PCDHGA6: variants seen among roughly 807,000 people sequenced by gnomAD.
The protein encoded by PCDHGA6 is protocadherin gamma-A6.
Under a neutral mutation model 60.6 loss-of-function variants are expected in PCDHGA6, and 41 were observed. That is an observed-to-expected ratio of 0.68 (90% confidence interval 0.53 to 0.88). The LOEUF (loss-of-function observed/expected upper bound fraction) is 0.88. Ranked by LOEUF, PCDHGA6 falls within the 40% of genes least tolerant of loss-of-function variation. The pLI, the probability that PCDHGA6 is intolerant of heterozygous loss-of-function variation, is 0.00. For missense variants in PCDHGA6, 1,312 were observed against 1,203.0 expected, an observed-to-expected ratio of 1.09 and a Z score of -1.34; for synonymous variants, 594 against 524.4, an observed-to-expected ratio of 1.13 and a Z score of -1.81.
At chr5:141,465,856 C>T (rs1442431032) in intron 1 of PCDHGA6, among the ~76,000 whole-genome samples, 1 of 152,184 alleles carries the variant, frequency 6.6e-6, no homozygotes, top group East Asian at 1.9e-4. Context: ...GGCCCAGTGG[C>T]TCATGCCTGT....
chr5:141,383,734 T>C (rs1249029357), intron 1 of PCDHGA6: 2 of 1,613,994 alleles, frequency 1.2e-6, no homozygotes, highest in East Asian at 4.5e-5. Context: ...GGAAGTGACA[T>C]ATTCTTTTCG....
rs191909737 is a variant in PCDHGA6 at position 141,405,622 on chromosome 5, G to A, written c.2424+29115G>A. 9.3e-3 allele frequency: 5,090 copies of A among 544,656 alleles called. 46 individuals are homozygous for A. The highest frequency in any genetic ancestry group is 0.017 in the Admixed American group (494 of 29,130). The allele number at this position is 544,656 out of a possible 1,614,324, so 33.7% of individuals were successfully genotyped here. On this transcript the variant is annotated intron_variant, in intron 1 of 3. Transcript: ENST00000517434. ...GTAGAATAACTGGGACTACAGGCAC[G>A]TGCCACCACGCCCGGCTAATTTTTT...
chr5:141,497,323 G>A lies in PCDHGA6; in HGVS notation c.2483+2458G>A, dbSNP rs373068300. Reference sequence around the variant, plus strand: ...CAGGCCATACACTGGCTTTGAAGCAGAATTCACCATTGAACCTGGAAGCCC... The same window carrying A: ...CAGGCCATACACTGGCTTTGAAGCAAAATTCACCATTGAACCTGGAAGCCC... On this transcript the variant is annotated intron_variant, in intron 2 of 3. Transcript: ENST00000517434. 1.2e-4 allele frequency among the ~76,000 whole-genome samples: 19 copies of A among 152,204 alleles called. No homozygotes were observed. In the East Asian group the frequency reaches 3.5e-3, roughly 28 times the overall value.
At chr5:141,419,431 G>A in intron 1 of PCDHGA6, 2 of 1,613,306 alleles carry the variant, frequency 1.2e-6, no homozygotes. Context: ...ACCACGAGCA[G>A]CTGCGCACCT....
chr5:141,451,789 G>A (rs2098724524), intron 1 of PCDHGA6, among the ~76,000 whole-genome samples: 1 of 152,074 alleles, frequency 6.6e-6, no homozygotes, highest in South Asian at 2.1e-4. Flanking sequence ...GCTGAGGCCA[G>A]AGAATTGCTT....
chr5:141,414,752 A>G (rs1339630983), intron 1 of PCDHGA6: 9 of 1,614,110 alleles, frequency 5.6e-6, no homozygotes, highest in Non-Finnish European at 7.6e-6. Flanking sequence ...TCCTTCGACT[A>G]TGAGCAGTTT....
rs201412037 is a variant in PCDHGA6, at chr5:141,421,093, A to G, written c.2424+44586A>G. The G allele has an allele frequency of 3.5e-5, 23 of 665,630 alleles. No homozygotes were observed. In the East Asian group the frequency reaches 6.2e-4, roughly 18 times the overall value. 41.2% of individuals were successfully genotyped at this position (665,630 alleles called of 1,614,324 possible). On this transcript the variant is annotated intron_variant, in intron 1 of 3. Coordinates refer to ENST00000517434, the MANE Select transcript of PCDHGA6 (RefSeq NM_018919.3). ...GAGATGGATACTCACAGATCCTGAC[A>G]CTGGAGACTTAGAAGTATTTTCCTT... is the stretch of plus-strand genomic sequence containing the variant.
chr5:141,434,073 A>G (rs1372471160), intron 1 of PCDHGA6, among the ~76,000 whole-genome samples: 2 of 152,058 alleles, frequency 1.3e-5, no homozygotes, highest in African/African-American at 4.8e-5. Flanking sequence ...GTTAATATCA[A>G]TTATTTATTT....
intron 1 of PCDHGA6, chr5:141,392,879 G>T: frequency 1.2e-6 from 2 of 1,613,512 alleles, no homozygotes; most frequent in East Asian, 2.2e-5. Flanking sequence ...TGCTGGGAAC[G>T]CTGTGGGAAA....
chr5:141,412,942 A>G, intron 1 of PCDHGA6: 1 of 465,476 alleles, frequency 2.1e-6, no homozygotes, highest in Non-Finnish European at 3.8e-6. Flanking sequence ...TAGGACTCTG[A>G]GCGCCGCTGT....
At chr5:141,390,922 A>G (rs935110449) in intron 1 of PCDHGA6, 8 of 152,482 alleles carry the variant, frequency 5.2e-5, no homozygotes, top group Non-Finnish European at 1.0e-4. Context: ...AAGGTCTACT[A>G]TGCTCATTAG....
chr5:141,439,211 A>G (rs1438403213), intron 1 of PCDHGA6, among the ~76,000 whole-genome samples: 1 of 151,666 alleles, frequency 6.6e-6, no homozygotes, highest in Non-Finnish European at 1.5e-5. Flanking sequence ...AAAAATCCAT[A>G]TGTGAAAATT....
At position 141,431,277 on chromosome 5, in the gene PCDHGA6, G is replaced by T; in HGVS notation, c.2424+54770G>T. 6.2e-7 allele frequency: 1 copy of T among 1,614,160 alleles called. No homozygotes were observed. The highest frequency in any genetic ancestry group is 1.3e-5 in the African/African-American group (1 of 75,062). On this transcript the variant is annotated intron_variant, in intron 1 of 3. Transcript: ENST00000517434. This position sits in a 1 kb window ranked among gnomAD's most constrained non-coding sequence, Gnocchi z 4.8. ...AACTCTCTGCAGAGCTACGAGCTCAGCCCGAACACTCACTTCTCCCTCATC... is the reference window on the plus strand; with the variant it reads ...AACTCTCTGCAGAGCTACGAGCTCATCCCGAACACTCACTTCTCCCTCATC...
intron 1 of PCDHGA6, chr5:141,383,450 G>T: frequency 6.2e-7 from 1 of 1,613,960 alleles, no homozygotes; most frequent in South Asian, 1.1e-5. Flanking sequence ...GCTGTGCAAA[G>T]TGGAGACGAT....
intron 1 of PCDHGA6, chr5:141,422,547 G>C: frequency 1.9e-6 from 3 of 1,613,938 alleles, no homozygotes; most frequent in Non-Finnish European, 2.5e-6. Context: ...CTCATGTCTG[G>C]CTGAATGTGG....
At chr5:141,400,392 A>C (rs2094014497) in intron 1 of PCDHGA6, 1 of 1,613,942 alleles carries the variant, frequency 6.2e-7, no homozygotes, top group Admixed American at 1.7e-5. Context: ...TTGCACATAC[A>C]GGAAAGACGG....
At chr5:141,384,714 A>T (rs750526941) in intron 1 of PCDHGA6, 7 of 1,614,076 alleles carry the variant, frequency 4.3e-6, no homozygotes, top group Non-Finnish European at 5.9e-6. Context: ...CCTGGCTGTC[A>T]TACCTCCTGC....
Position 141,485,618 on chromosome 5 carries a change from G to A in PCDHGA6, c.2425-9189G>A, listed in dbSNP as rs2099616729. 2.5e-6 allele frequency: 4 copies of A among 1,612,092 alleles called. No individual in the cohort carries two copies. Among genetic ancestry groups the A allele is most frequent in the Non-Finnish European group, 3.4e-6 (4 of 1,178,672 alleles). On this transcript the variant is annotated intron_variant, in intron 1 of 3. Coordinates refer to ENST00000517434, the MANE Select transcript of PCDHGA6 (RefSeq NM_018919.3). This position sits in a 1 kb window ranked among gnomAD's most constrained non-coding sequence, Gnocchi z 5.7. The stretch of plus-strand genomic sequence containing the variant: ...GGAAATTGGGGAGGCAGCTCCTCCA[G>A]GACAGCGTTTCCCGTTGGAAAAGGC...
In PCDHGA6 at chr5:141,402,724, G is replaced by A. The variant is rs558797465; in HGVS notation, c.2424+26217G>A. Among the ~76,000 whole-genome samples, 7 of 152,276 alleles carry A rather than the reference G, an allele frequency of 4.6e-5. No individual in the cohort carries two copies. The South Asian group carries it at 1.5e-3, about 32-fold the overall frequency. On this transcript the variant is annotated intron_variant, in intron 1 of 3. Transcript: ENST00000517434. Reference sequence around the variant, plus strand: ...GGGTGTAGTAACGGCTTAGGACTCTGAGCGCCGCTGTTGATCAACTCTAAG... The same window carrying A: ...GGGTGTAGTAACGGCTTAGGACTCTAAGCGCCGCTGTTGATCAACTCTAAG...
Sources: allele counts gnomAD v4.1 joint callset (sites outside exome capture counted in the v4.1 genomes callset), GRCh38; gene constraint gnomAD v4.1.1; non-coding constraint Gnocchi (gnomAD v3.1); transcripts MANE v1.5; gene names NCBI Gene and HGNC (gene_info 2026-07-23, HGNC 2026-07-21).